Variants in PCCA observed in about 807,000 individuals in gnomAD.
The protein encoded by PCCA is propionyl-CoA carboxylase subunit alpha.
A neutral mutation model predicts 101.3 loss-of-function variants in PCCA; 74 were observed. That is an observed-to-expected ratio of 0.73 (90% confidence interval 0.61 to 0.89). The LOEUF is 0.89. PCCA is among the 40% of genes least tolerant of loss of function. PCCA has a pLI of 0.00. For synonymous variants in PCCA, 294 were observed against 313.6 expected (o/e 0.94, Z 0.66); for missense variants, 891 against 907.0 (o/e 0.98, Z 0.23).
chr13:100,184,594 G>A (rs1236624908), intron 6 of PCCA, among the ~76,000 whole-genome samples: 1 of 151,982 alleles, frequency 6.6e-6, no homozygotes, highest in East Asian at 1.9e-4. Flanking sequence ...AGGCTTTGTG[G>A]GCCATACTGT....
At chr13:100,245,844 T>C (rs148630427) in intron 8 of PCCA, among the ~76,000 whole-genome samples, 230 of 152,334 alleles carry the variant, frequency 1.5e-3, no homozygotes, top group African/African-American at 5.1e-3. Context: ...ACTCCTCTTA[T>C]CATAGCTTGT....
chr13:100,132,276 C>CCCCTCAGACTCCCTTGTGAGTCATTA (rs2050606546), intron 4 of PCCA, among the ~76,000 whole-genome samples: 1 of 151,954 alleles, frequency 6.6e-6, no homozygotes, highest in Non-Finnish European at 1.5e-5. Context: ...AGTTCCATTA[C>CCCCTCAGACTCCCTTGTGAGTCATTA]CCCTCAGACT....
At chr13:100,345,686 C>G (rs1271962777) in intron 18 of PCCA, among the ~76,000 whole-genome samples, 2 of 152,196 alleles carry the variant, frequency 1.3e-5, no homozygotes, top group Admixed American at 1.3e-4. Context: ...AGACAGCCTT[C>G]TATTGAAAGA....
chr13:100,188,718 C>G (rs140824291), intron 6 of PCCA, among the ~76,000 whole-genome samples: 1,737 of 152,176 alleles, frequency 0.011, 12 homozygotes, highest in Non-Finnish European at 0.017. Context: ...ACGCCAACAT[C>G]TAATATTTTT....
At chr13:100,273,936 T>C (rs2063474194) in intron 12 of PCCA, among the ~76,000 whole-genome samples, 1 of 152,236 alleles carries the variant, frequency 6.6e-6, no homozygotes, top group African/African-American at 2.4e-5. Flanking sequence ...TTCCCTTTTT[T>C]CTTTCATTTA....
Position 100,157,331 on chromosome 13 carries a change from C to T in PCCA, c.459C>T (p.Ala153=), listed in dbSNP as rs1358991180. ...YGFLSENKEF[A]RCLAAEDVVF... ...TCCTTTCAGAAAACAAAGAATTTGC[C>T]AGATGTTTGGTAAGTTGGTAATGAA... The change falls in exon 6 of 24, where the codon GCC becomes GCT. Residue 153 remains alanine (A), a synonymous_variant. Transcript: ENST00000376285. 6.2e-7 allele frequency: 1 copy of T among 1,608,766 alleles called. No homozygotes were observed. Among genetic ancestry groups the T allele is most frequent in the Non-Finnish European group, 8.5e-7 (1 of 1,175,456 alleles).
In PCCA at chr13:100,111,853, A is replaced by C; in HGVS notation, c.196A>C (p.Ile66Leu). The C allele has an allele frequency of 3.1e-6, 5 of 1,608,800 alleles. No homozygotes were observed. Among genetic ancestry groups the C allele is most frequent in the Non-Finnish European group, 4.3e-6 (5 of 1,176,082 alleles). The change falls in exon 3 of 24, where the codon ATT becomes CTT. Residue 66 changes from isoleucine to leucine, a missense_variant. By Grantham distance (5) the Ile-to-Leu change is conservative (BLOSUM62 2). Transcript: ENST00000376285. Reference sequence around the variant, plus strand: ...TTTCTCTCTTCAGACTTTTGATAAAATTCTTGTTGCTAATAGAGGAGAAAT... The same window carrying C: ...TTTCTCTCTTCAGACTTTTGATAAACTTCTTGTTGCTAATAGAGGAGAAAT... ...YDPNEKTFDK[I>L]LVANRGEIAC...
At chr13:100,397,998 C>T (rs567004315) in intron 19 of PCCA, among the ~76,000 whole-genome samples, 12 of 152,178 alleles carry the variant, frequency 7.9e-5, no homozygotes, top group African/African-American at 2.2e-4. Context: ...TCAGGTTCAG[C>T]GTGATTAGAA....
At chr13:100,219,881 C>T (rs1444512411) in intron 7 of PCCA, among the ~76,000 whole-genome samples, 1 of 152,160 alleles carries the variant, frequency 6.6e-6, no homozygotes, top group Non-Finnish European at 1.5e-5. Context: ...GGAGTGGGAG[C>T]ATCTAGTTTT....
chr13:100,159,117 A>G (rs1466723888), intron 6 of PCCA, among the ~76,000 whole-genome samples: 3 of 95,764 alleles, frequency 3.1e-5, no homozygotes, highest in Non-Finnish European at 1.9e-5. Flanking sequence ...TTTTTGAGAC[A>G]TAGCCTTGCT....
chr13:100,275,478 C>A (rs1199492023), intron 12 of PCCA, among the ~76,000 whole-genome samples: 1 of 152,144 alleles, frequency 6.6e-6, no homozygotes, highest in African/African-American at 2.4e-5. Context: ...TTTCTTCATG[C>A]TTTTACTCTC....
chr13:100,445,915 C>T lies in PCCA; in HGVS notation c.1846-3337C>T, dbSNP rs558037943. 5.9e-5 allele frequency among the ~76,000 whole-genome samples: 9 copies of T among 152,246 alleles called. No individual in the cohort carries two copies. The South Asian group carries it at 1.9e-3, about 32-fold the overall frequency. On this transcript the variant is annotated intron_variant, in intron 20 of 23. Transcript: ENST00000376285. ...CTCCTTGACATAACTGATTTCTTTC[C>T]TTTGGATATATATGCAGTAGTGGGA...
chr13:100,242,272 A>G (rs1266831312), intron 8 of PCCA, among the ~76,000 whole-genome samples: 1 of 152,232 alleles, frequency 6.6e-6, no homozygotes, highest in African/African-American at 2.4e-5. Context: ...TGGCATACTA[A>G]TGTCAGACAA....
chr13:100,467,921 T>C (rs2082665811), intron 21 of PCCA, among the ~76,000 whole-genome samples: 1 of 152,198 alleles, frequency 6.6e-6, no homozygotes, highest in South Asian at 2.1e-4. Flanking sequence ...CCCAGATCCA[T>C]CAGAGGAAAC....
At chr13:100,459,042 C>G (rs1407181931) in intron 21 of PCCA, among the ~76,000 whole-genome samples, 1 of 152,138 alleles carries the variant, frequency 6.6e-6, no homozygotes, top group African/African-American at 2.4e-5. Context: ...GTGCCTCTCT[C>G]CTGGCTTCTA....
intron 7 of PCCA, among the ~76,000 whole-genome samples, chr13:100,217,747 T>A (rs1354992901): frequency 6.8e-6 from 1 of 146,526 alleles, no homozygotes; most frequent in South Asian, 2.2e-4. Context: ...GTCAGCTACT[T>A]GGGAGGCTGA....
intron 6 of PCCA, among the ~76,000 whole-genome samples, chr13:100,195,250 CCTT>C (rs2058034036): frequency 6.6e-6 from 1 of 152,108 alleles, no homozygotes; most frequent in Non-Finnish European, 1.5e-5. Flanking sequence ...AAGCTTCTTA[CCTT>C]CTTCTTACCT....
chr13:100,499,053 T>C (rs538260205), intron 21 of PCCA, among the ~76,000 whole-genome samples: 10 of 152,154 alleles, frequency 6.6e-5, no homozygotes, highest in Admixed American at 4.6e-4. Context: ...CACGTTATTG[T>C]GGAAAACCGT....
intron 2 of PCCA, among the ~76,000 whole-genome samples, chr13:100,109,450 T>C (rs1392192180): frequency 6.6e-6 from 1 of 152,256 alleles, no homozygotes; most frequent in Non-Finnish European, 1.5e-5. Flanking sequence ...TTGTATTCGC[T>C]GTAACAATTG....
Sources: allele counts gnomAD v4.1 joint callset (sites outside exome capture counted in the v4.1 genomes callset), GRCh38; gene constraint gnomAD v4.1.1; transcripts MANE v1.5; gene names NCBI Gene and HGNC (gene_info 2026-07-23, HGNC 2026-07-21).